SLCO1C1: variants seen among roughly 807,000 people sequenced by gnomAD.
SLCO1C1 encodes solute carrier organic anion transporter family member 1C1.
In SLCO1C1, 70 loss-of-function variants were observed where a neutral mutation model predicts 76.4. That is an observed-to-expected ratio of 0.92 (90% confidence interval 0.76 to 1.12). The LOEUF is 1.12. SLCO1C1 is among the 50% of genes most tolerant of loss of function. SLCO1C1 has a pLI of 0.00. For missense variants in SLCO1C1, 912 were observed against 823.8 expected (o/e 1.11, Z -1.31); for synonymous variants, 306 against 286.1 (o/e 1.07, Z -0.70).
chr12:20,737,158 A>G lies in SLCO1C1; in HGVS notation c.1434A>G (p.Ser478=), dbSNP rs1271941614. 15 of 1,560,574 alleles carry G rather than the reference A, an allele frequency of 9.6e-6. No individual in the cohort carries two copies. Among genetic ancestry groups the G allele is most frequent in the Non-Finnish European group, 1.1e-5 (13 of 1,160,310 alleles). Reference sequence around the variant, plus strand: ...GAGCTCTCTTTTCAGATTGCAACTCAAGATGCAAATGTTCAGAGACAAAAT... The same window carrying G: ...GAGCTCTCTTTTCAGATTGCAACTCGAGATGCAAATGTTCAGAGACAAAAT... ...HERALFSDCN[S]RCKCSETKWE... is the part of the protein sequence containing the mutation. The change falls in exon 11 of 15, where the codon TCA becomes TCG. Residue 478 remains serine, a synonymous_variant. Coordinates refer to ENST00000266509, the MANE Select transcript of SLCO1C1 (RefSeq NM_017435.5).
chr12:20,725,474 ATGC>A (rs533726021), intron 9 of SLCO1C1, among the ~76,000 whole-genome samples: 193 of 147,086 alleles, frequency 1.3e-3, no homozygotes, highest in African/African-American at 4.4e-3. Context: ...TATAATAATA[ATGC>A]TATTATAAAA....
At chr12:20,708,852 G>A (rs541956342) in intron 4 of SLCO1C1, among the ~76,000 whole-genome samples, 82 of 152,296 alleles carry the variant, frequency 5.4e-4, no homozygotes, top group African/African-American at 1.9e-3. Context: ...TGATTCAGTG[G>A]CCCTGGGGTT....
At chr12:20,719,534 A>G (rs1947549581) in intron 7 of SLCO1C1, among the ~76,000 whole-genome samples, 1 of 152,246 alleles carries the variant, frequency 6.6e-6, no homozygotes, top group Non-Finnish European at 1.5e-5. Context: ...AGGAATTTAT[A>G]AAAGTGATAC....
chr12:20,752,775 A>C lies in SLCO1C1; in HGVS notation c.*247A>C, dbSNP rs1949374155. The C allele has an allele frequency of 3.8e-6, 1 of 265,078 alleles. No homozygotes were observed. The highest frequency in any genetic ancestry group is 7.0e-6 in the Non-Finnish European group (1 of 142,758). The allele number at this position is 265,078 out of a possible 1,614,324, so 16.4% of individuals were successfully genotyped here. On this transcript the variant is annotated 3_prime_UTR_variant, in exon 15 of 15. Coordinates refer to ENST00000266509, the MANE Select transcript of SLCO1C1 (RefSeq NM_017435.5). ...TTATTTTATATCACTTACTTATTTCACTTTATTTTGCTTTGTGCTCATTGA... is the reference window on the plus strand; with the variant it reads ...TTATTTTATATCACTTACTTATTTCCCTTTATTTTGCTTTGTGCTCATTGA...
intron 11 of SLCO1C1, among the ~76,000 whole-genome samples, 166 bp from the exon 12 acceptor site, chr12:20,740,018 C>A (rs1450469317): frequency 6.6e-6 from 1 of 152,094 alleles, no homozygotes; most frequent in Non-Finnish European, 1.5e-5. Context: ...AATGTTGTAT[C>A]TATATAGATT....
chr12:20,697,554 T>C (rs1323034317), intron 1 of SLCO1C1: 1 of 152,096 alleles, frequency 6.6e-6, no homozygotes, highest in East Asian at 1.9e-4. Flanking sequence ...TGGTATCAGA[T>C]ACTGTTAAGG....
intron 1 of SLCO1C1, among the ~76,000 whole-genome samples, chr12:20,696,202 G>C (rs1433477683): frequency 2.0e-5 from 3 of 152,124 alleles, no homozygotes. Flanking sequence ...TATTAGGTGA[G>C]AAATTAGTTT....
At chr12:20,724,451 A>ATATATGTG (rs1555129500) in intron 9 of SLCO1C1, among the ~76,000 whole-genome samples, 2 of 75,392 alleles carry the variant, frequency 2.7e-5, no homozygotes, top group African/African-American at 1.1e-4. Flanking sequence ...ATATATATAT[A>ATATATGTG]TGTGTGTGTG....
At position 20,710,206 on chromosome 12, in the gene SLCO1C1, T is replaced by C. The variant is rs181045930; in HGVS notation, c.405-1180T>C. 7.4e-3 allele frequency among the ~76,000 whole-genome samples: 979 copies of C among 133,012 alleles called. 11 individuals are homozygous for C. Among genetic ancestry groups the C allele is most frequent in the African/African-American group, 0.028 (929 of 33,482 alleles). The allele number at this position is 133,012 out of a possible 152,430, so 87.3% of individuals were successfully genotyped here. A position where few individuals can be genotyped will look rare whatever the true frequency, so the allele number is the denominator to read the frequency against. On this transcript the variant is annotated intron_variant, in intron 4 of 14. Transcript: ENST00000266509. ...TAAACAGTTCTCTACTTTTCTTTTT[T>C]TTTTTTTTTTTTTTTTTTTGAGATG...
intron 4 of SLCO1C1, among the ~76,000 whole-genome samples, chr12:20,709,797 C>T (rs1318575305): frequency 2.0e-5 from 1 of 49,940 alleles, no homozygotes; most frequent in Admixed American, 1.8e-4. Context: ...AGGAGAATGG[C>T]GTGAACCCGG....
chr12:20,733,170 T>G, intron 10 of SLCO1C1, 66 bp downstream of exon 10: 1 of 1,419,812 alleles, frequency 7.0e-7, no homozygotes, highest in Non-Finnish European at 9.4e-7. Flanking sequence ...ATTGGTGGAG[T>G]TGCAAAAAAG....
At chr12:20,718,487 C>T (rs746667230) in intron 7 of SLCO1C1, among the ~76,000 whole-genome samples, 1 of 152,090 alleles carries the variant, frequency 6.6e-6, no homozygotes, top group Non-Finnish European at 1.5e-5. Flanking sequence ...TAAAATTTTG[C>T]TTACACATAC....
intron 4 of SLCO1C1, among the ~76,000 whole-genome samples, chr12:20,710,161 C>CT (rs1317269906): frequency 2.1e-5 from 3 of 141,046 alleles, no homozygotes; most frequent in African/African-American, 8.2e-5. Flanking sequence ...TGCAATACAT[C>CT]TTTTCCTTAC....
intron 3 of SLCO1C1, among the ~76,000 whole-genome samples, chr12:20,704,569 C>T (rs1000526568): frequency 4.0e-5 from 6 of 151,748 alleles, no homozygotes; most frequent in African/African-American, 1.4e-4. Context: ...TTAAGAAGAG[C>T]TTAATTCTTC....
chr12:20,721,019 A>AT (rs1296868632), intron 7 of SLCO1C1, among the ~76,000 whole-genome samples: 3 of 150,722 alleles, frequency 2.0e-5, no homozygotes, highest in Admixed American at 1.3e-4. Flanking sequence ...AAAAAAAAAA[A>AT]GCTTAAACAG....
intron 13 of SLCO1C1, among the ~76,000 whole-genome samples, chr12:20,748,629 A>G (rs917481259): frequency 6.6e-6 from 1 of 152,182 alleles, no homozygotes; most frequent in African/African-American, 2.4e-5. Flanking sequence ...CAAAGACCAC[A>G]TATTGCATTT....
chr12:20,738,058 G>A (rs894263913), intron 11 of SLCO1C1, among the ~76,000 whole-genome samples: 2 of 151,920 alleles, frequency 1.3e-5, no homozygotes, highest in East Asian at 1.9e-4. Flanking sequence ...GAGCAGACAG[G>A]GAGAGACAGG....
At chr12:20,719,403 T>C (rs573046543) in intron 7 of SLCO1C1, among the ~76,000 whole-genome samples, 106 of 152,184 alleles carry the variant, frequency 7.0e-4, no homozygotes, top group African/African-American at 2.3e-3. Context: ...CATCTCTCAC[T>C]TTAAAAGGAA....
intron 13 of SLCO1C1, among the ~76,000 whole-genome samples, chr12:20,744,489 G>C (rs1477567621): frequency 6.6e-6 from 1 of 151,968 alleles, no homozygotes; most frequent in African/African-American, 2.4e-5. Flanking sequence ...AAAAAAACAA[G>C]CAACAAAGTA....
Sources: gnomAD v4.1 joint callset for allele counts (sites outside exome capture counted in the v4.1 genomes callset) on GRCh38, gnomAD v4.1.1 for gene constraint, MANE v1.5 for transcripts, NCBI Gene and HGNC (gene_info 2026-07-23, HGNC 2026-07-21) for gene names.